RBFOX1: variants seen among roughly 807,000 people sequenced by gnomAD.
The protein encoded by RBFOX1 is RNA binding fox-1 homolog 1.
Under a neutral mutation model 57.7 loss-of-function variants are expected in RBFOX1, and 8 were observed. The ratio of observed to expected loss-of-function variants is 0.14; its 90% CI spans 0.08 to 0.25. The LOEUF (loss-of-function observed/expected upper bound fraction) is 0.25. RBFOX1 is among the 10% of genes least tolerant of loss of function. RBFOX1 has a pLI of 1.00. For missense variants in RBFOX1, 611 were observed against 548.5 expected (o/e 1.11, Z -1.14); for synonymous variants, 326 against 222.4 (o/e 1.47, Z -4.15).
chr16:7,654,998 T>C (rs994349543), intron 12 of RBFOX1, among the ~76,000 whole-genome samples: 5 of 152,168 alleles, frequency 3.3e-5, no homozygotes, highest in African/African-American at 1.2e-4. Flanking sequence ...CCCTGGCCAG[T>C]GACTGGCTTT....
chr16:7,398,056 C>T (rs1264429411), intron 4 of RBFOX1, among the ~76,000 whole-genome samples: 2 of 151,866 alleles, frequency 1.3e-5, no homozygotes, highest in African/African-American at 4.8e-5. Flanking sequence ...GGTGATTTAA[C>T]CTCCCCCAGT....
chr16:5,830,938 C>T (rs1206725666), intron 3 of RBFOX1, among the ~76,000 whole-genome samples: 1 of 150,530 alleles, frequency 6.6e-6, no homozygotes, highest in Non-Finnish European at 1.5e-5. Context: ...CAAATTAACT[C>T]AGACTGTCTC....
chr16:6,860,255 T>C (rs2058756017), intron 3 of RBFOX1, among the ~76,000 whole-genome samples: 2 of 152,362 alleles, frequency 1.3e-5, no homozygotes, highest in African/African-American at 4.8e-5. Context: ...GTTAGGCACT[T>C]AATGGTACTT....
chr16:7,352,975 C>G (rs949955151), intron 4 of RBFOX1, among the ~76,000 whole-genome samples: 4 of 152,076 alleles, frequency 2.6e-5, no homozygotes, highest in Admixed American at 6.5e-5. Context: ...CTTGGCCTCC[C>G]AAAGTGCTGA....
intron 5 of RBFOX1, among the ~76,000 whole-genome samples, chr16:7,528,063 A>T (rs80028525): frequency 0.05 from 7,648 of 152,308 alleles, 352 homozygotes; most frequent in East Asian, 0.22. Flanking sequence ...TGGGCAAACA[A>T]AGTGAGATTC....
chr16:7,465,185 T>C (rs1440167461), intron 4 of RBFOX1, among the ~76,000 whole-genome samples: 1 of 152,198 alleles, frequency 6.6e-6, no homozygotes, highest in African/African-American at 2.4e-5. Flanking sequence ...TGACATTCTT[T>C]ACAAACCTAG....
chr16:7,658,032 G>C (rs17687360), intron 12 of RBFOX1, among the ~76,000 whole-genome samples: 14,905 of 152,206 alleles, frequency 0.098, 866 homozygotes, highest in Middle Eastern at 0.19. Context: ...AAGCGAGAGT[G>C]GGGGATATAT....
intron 4 of RBFOX1, among the ~76,000 whole-genome samples, chr16:7,104,469 G>C (rs760463559): frequency 2.0e-5 from 3 of 152,084 alleles, no homozygotes; most frequent in Non-Finnish European, 2.9e-5. Flanking sequence ...CATGGACAAG[G>C]AAAGAGTAAA....
rs953794482 is a variant in RBFOX1, at chr16:6,165,287, T to C, written c.-127+145295T>C. Among the ~76,000 whole-genome samples, 14 of 152,204 alleles carry C rather than the reference T, an allele frequency of 9.2e-5. 1 individual carries two copies. Among genetic ancestry groups the C allele is most frequent in the Admixed American group, 8.5e-4 (13 of 15,270 alleles). On this transcript the variant is annotated intron_variant, in intron 1 of 15. Transcript: ENST00000550418. ...GACAGCTCATTATCATTATTGTTTT[T>C]ATATTTACTTTTTTTTGGTTGAAAA... is the stretch of plus-strand genomic sequence containing the variant.
intron 1 of RBFOX1, among the ~76,000 whole-genome samples, chr16:5,395,991 A>T (rs963296442): frequency 6.6e-6 from 1 of 152,158 alleles, no homozygotes; most frequent in African/African-American, 2.4e-5. Context: ...CAACAGCCCC[A>T]CTGTTGCCTG....
At chr16:7,128,304 T>C (rs576076340) in intron 4 of RBFOX1, among the ~76,000 whole-genome samples, 2 of 152,362 alleles carry the variant, frequency 1.3e-5, no homozygotes, top group Admixed American at 1.3e-4. Flanking sequence ...GGTACTATAC[T>C]TAACCCCATT....
chr16:6,935,275 G>T (rs1476761534), intron 3 of RBFOX1, among the ~76,000 whole-genome samples: 2 of 152,142 alleles, frequency 1.3e-5, no homozygotes, highest in African/African-American at 2.4e-5. Flanking sequence ...GCATGTAGCA[G>T]ATGTTCAGAG....
chr16:6,801,832 A>G (rs1439814495), intron 3 of RBFOX1, among the ~76,000 whole-genome samples: 1 of 152,098 alleles, frequency 6.6e-6, no homozygotes, highest in Non-Finnish European at 1.5e-5. Flanking sequence ...TCTAAGTTGT[A>G]TGTCTACATG....
At chr16:6,735,223 A>C (rs1173401594) in intron 3 of RBFOX1, among the ~76,000 whole-genome samples, 2 of 152,168 alleles carry the variant, frequency 1.3e-5, no homozygotes, top group Non-Finnish European at 2.9e-5. Flanking sequence ...TGCTAGATGC[A>C]CATGATTTAA....
chr16:6,933,358 G>C (rs973873316), intron 3 of RBFOX1, among the ~76,000 whole-genome samples: 2 of 152,218 alleles, frequency 1.3e-5, no homozygotes, highest in African/African-American at 4.8e-5. Flanking sequence ...TCCGTCAGCA[G>C]TGCACAAGGG....
intron 5 of RBFOX1, among the ~76,000 whole-genome samples, chr16:7,545,247 T>G (rs528141246): frequency 5.8e-4 from 89 of 152,220 alleles, no homozygotes; most frequent in African/African-American, 2.1e-3. Context: ...CCCCTGCCTT[T>G]CCTTTCCTGA....
intron 4 of RBFOX1, among the ~76,000 whole-genome samples, chr16:5,914,923 A>G (rs528465362): frequency 1.1e-4 from 17 of 152,176 alleles, no homozygotes; most frequent in African/African-American, 3.9e-4. Flanking sequence ...AAACAAAAAA[A>G]AAGAGAGTCT....
chr16:7,703,081 C>G (rs1191301443), intron 14 of RBFOX1, among the ~76,000 whole-genome samples: 1 of 151,348 alleles, frequency 6.6e-6, no homozygotes, highest in East Asian at 1.9e-4. Context: ...GACCATGGCT[C>G]TCTAAAGAGC....
chr16:7,070,828 A>T (rs1054320792), intron 4 of RBFOX1, among the ~76,000 whole-genome samples: 1 of 152,200 alleles, frequency 6.6e-6, no homozygotes, highest in African/African-American at 2.4e-5. Context: ...GGGAAACTGG[A>T]ACCTAACTGC....
Sources: gnomAD v4.1 joint callset for allele counts (sites outside exome capture counted in the v4.1 genomes callset) on GRCh38, gnomAD v4.1.1 for gene constraint, MANE v1.5 for transcripts, NCBI Gene and HGNC (gene_info 2026-07-23, HGNC 2026-07-21) for gene names.